FAM13A: variants seen among roughly 807,000 people sequenced by gnomAD.
The protein encoded by FAM13A is family with sequence similarity 13 member A.
A neutral mutation model predicts 129.6 loss-of-function variants in FAM13A; 76 were observed. The observed-to-expected ratio is 0.59, with a 90% CI of 0.49 to 0.71. FAM13A has a LOEUF of 0.71. Ranked by LOEUF, FAM13A falls within the 30% of genes least tolerant of loss-of-function variation. The pLI, the probability that FAM13A is intolerant of heterozygous loss-of-function variation, is 0.00. For synonymous variants in FAM13A, 443 were observed against 449.9 expected (o/e 0.98, Z 0.20); for missense variants, 1,108 against 1,249.3 (o/e 0.89, Z 1.70).
In FAM13A at chr4:89,051,133, A is replaced by G. The variant is rs116243896; in HGVS notation, c.27+5805T>C. Among the ~76,000 whole-genome samples, 871 of 152,340 alleles carry G rather than the reference A, an allele frequency of 5.7e-3. 6 individuals are homozygous for G. The highest frequency in any genetic ancestry group is 0.018 in the African/African-American group (758 of 41,580). On this transcript the variant is annotated intron_variant, in intron 1 of 23. Coordinates refer to ENST00000264344, the MANE Select transcript of FAM13A (RefSeq NM_014883.4). ...CTTAATCTGTTCAGACTGCTACAAC[A>G]AAAAATACCATAAACTGGATGTGCT...
intron 21 of FAM13A, among the ~76,000 whole-genome samples, chr4:88,734,342 A>C (rs1172912729): frequency 6.6e-6 from 1 of 152,256 alleles, no homozygotes; most frequent in Non-Finnish European, 1.5e-5. Context: ...TGCCTTACTC[A>C]GTATCTGAGT....
chr4:88,986,380 T>C (rs1762245844), intron 4 of FAM13A, among the ~76,000 whole-genome samples: 1 of 152,218 alleles, frequency 6.6e-6, no homozygotes, highest in Admixed American at 6.5e-5. Flanking sequence ...GTGATCCGCC[T>C]GCCTCAGCCT....
intron 9 of FAM13A, among the ~76,000 whole-genome samples, chr4:88,788,769 G>A (rs936805951): frequency 3.9e-5 from 6 of 151,958 alleles, no homozygotes; most frequent in Admixed American, 6.6e-5. Context: ...GTTTTTCTTC[G>A]CTTGAAAAAG....
At chr4:88,841,515 A>G (rs1735830714) in intron 7 of FAM13A, among the ~76,000 whole-genome samples, 1 of 145,392 alleles carries the variant, frequency 6.9e-6, no homozygotes, top group African/African-American at 2.6e-5. Flanking sequence ...AAAAAAAAAA[A>G]TTGAAAAGAC....
At chr4:88,811,658 C>T (rs77004604) in intron 7 of FAM13A, among the ~76,000 whole-genome samples, 1,971 of 152,108 alleles carry the variant, frequency 0.013, 42 homozygotes, top group African/African-American at 0.045. Context: ...CTTTCTACAG[C>T]TAGAAGGTGA....
At chr4:89,044,363 C>T (rs1770561692) in intron 1 of FAM13A, among the ~76,000 whole-genome samples, 1 of 151,982 alleles carries the variant, frequency 6.6e-6, no homozygotes, top group African/African-American at 2.4e-5. Flanking sequence ...AGAATCAAAA[C>T]CACAATGAGA....
intron 22 of FAM13A, 126 bp from the exon 23 acceptor site, chr4:88,731,554 C>T (rs1737796042): frequency 3.6e-6 from 2 of 558,292 alleles, no homozygotes; most frequent in Non-Finnish European, 6.2e-6. Flanking sequence ...CTGCTGAGAG[C>T]ATTGAGGGGG....
In FAM13A at chr4:88,906,371, T is replaced by C. The variant is rs577873302; in HGVS notation, c.843+8A>G. ...CACATGGTCGCCTACAGAGAAAACA[T>C]AGTTTACCTTGGTTTTTGGAGGTGG... On this transcript the variant is annotated splice_region_variant and intron_variant, in intron 6 of 23. Coordinates refer to ENST00000264344, the MANE Select transcript of FAM13A (RefSeq NM_014883.4). 3.8e-6 allele frequency: 6 copies of C among 1,575,810 alleles called. No individual in the cohort carries two copies. The highest frequency in any genetic ancestry group is 2.2e-5 in the South Asian group (2 of 89,528).
At chr4:88,900,982 G>A (rs551963003) in intron 6 of FAM13A, among the ~76,000 whole-genome samples, 2 of 152,054 alleles carry the variant, frequency 1.3e-5, no homozygotes, top group Non-Finnish European at 2.9e-5. Flanking sequence ...AGAAAAAGCA[G>A]AGGTTGTAAT....
chr4:88,999,438 G>C (rs1422145812), intron 3 of FAM13A, among the ~76,000 whole-genome samples: 1 of 152,202 alleles, frequency 6.6e-6, no homozygotes, highest in Admixed American at 6.5e-5. Context: ...ATATAGGACA[G>C]AGAGCCTCAC....
intron 8 of FAM13A, among the ~76,000 whole-genome samples, chr4:88,793,269 C>G (rs1032273780): frequency 2.6e-5 from 4 of 151,904 alleles, no homozygotes; most frequent in African/African-American, 9.7e-5. Flanking sequence ...GTCAACACAT[C>G]GAAATTTCTC....
intron 5 of FAM13A, among the ~76,000 whole-genome samples, chr4:88,926,042 A>G (rs547410487): frequency 6.6e-6 from 1 of 152,066 alleles, no homozygotes; most frequent in African/African-American, 2.4e-5. Context: ...TGGGGGTGAT[A>G]AGAGAGGGAG....
At position 88,858,350 on chromosome 4, in the gene FAM13A, T is replaced by C. The variant is rs1445290997; in HGVS notation, c.844-7167A>G. Among the ~76,000 whole-genome samples the C allele has an allele frequency of 2.0e-5, 3 of 152,216 alleles. No homozygotes were observed. In the East Asian group the frequency reaches 5.8e-4, roughly 29 times the overall value. ...AAAAAATTCAGTCAAAAAGTAATCG[T>C]TTATACTGAGCAGTGTAGGAATTAA... On this transcript the variant is annotated intron_variant, in intron 6 of 23. Transcript: ENST00000264344.
At chr4:88,761,340 T>C (rs1202199181) in intron 13 of FAM13A, among the ~76,000 whole-genome samples, 2 of 152,046 alleles carry the variant, frequency 1.3e-5, no homozygotes, top group Non-Finnish European at 2.9e-5. Flanking sequence ...CACCTCAAAA[T>C]TGCTAGAGAG....
intron 1 of FAM13A, among the ~76,000 whole-genome samples, chr4:89,041,058 G>A (rs1377605339): frequency 6.6e-6 from 1 of 152,206 alleles, no homozygotes; most frequent in Non-Finnish European, 1.5e-5. Context: ...GAGCTCTCAG[G>A]CCTTCAGCCA....
chr4:89,052,254 CTT>C (rs201655712), intron 1 of FAM13A, among the ~76,000 whole-genome samples: 3 of 108,452 alleles, frequency 2.8e-5, no homozygotes, highest in Admixed American at 9.0e-5. Context: ...GCAGCGCTTT[CTT>C]TTTTTTTTTT....
intron 4 of FAM13A, chr4:88,990,688 G>T: frequency 4.9e-6 from 1 of 205,218 alleles, no homozygotes; most frequent in Non-Finnish European, 8.3e-6. Flanking sequence ...TCTGATTACA[G>T]ATTTTTTAAA....
intron 5 of FAM13A, among the ~76,000 whole-genome samples, chr4:88,927,244 T>C (rs1271455521): frequency 6.6e-6 from 1 of 152,064 alleles, no homozygotes; most frequent in African/African-American, 2.4e-5. Flanking sequence ...GGATTTCTTC[T>C]TGATTTGGTA....
chr4:88,765,781 C>T (rs1745617947), intron 13 of FAM13A, among the ~76,000 whole-genome samples: 1 of 152,278 alleles, frequency 6.6e-6, no homozygotes, highest in African/African-American at 2.4e-5. Context: ...ACATGGAGAG[C>T]TTAGTCTAGA....
Sources: allele counts gnomAD v4.1 joint callset (sites outside exome capture counted in the v4.1 genomes callset), GRCh38; gene constraint gnomAD v4.1.1; transcripts MANE v1.5; gene names NCBI Gene and HGNC (gene_info 2026-07-23, HGNC 2026-07-21).